Variants in LYRM4 observed in about 807,000 individuals in gnomAD.
LYRM4 encodes LYR motif containing 4, also known as LYR motif-containing protein 4.
Under a neutral mutation model 11.7 loss-of-function variants are expected in LYRM4, and 9 were observed. The ratio of observed to expected loss-of-function variants is 0.77; its 90% CI spans 0.46 to 1.34. LYRM4 has a LOEUF of 1.34. Among genes scored for constraint, LYRM4 ranks in the 40% most tolerant of loss-of-function variants. The pLI is 0.00. For synonymous variants in LYRM4, 42 were observed against 40.4 expected, an observed-to-expected ratio of 1.04 and a Z score of -0.15; for missense variants, 133 against 112.5, an observed-to-expected ratio of 1.18 and a Z score of -0.82.
chr6:5,122,866 C>T (rs926918276), intron 2 of LYRM4, among the ~76,000 whole-genome samples: 15 of 152,356 alleles, frequency 9.8e-5, no homozygotes, highest in South Asian at 6.2e-4. Context: ...CACGTTGGCA[C>T]GCACAGACCC....
chr6:5,067,265 C>T, the LYRM4 span, among the ~76,000 whole-genome samples: 1 of 152,174 alleles, frequency 6.6e-6, no homozygotes, highest in African/African-American at 2.4e-5. Context: ...TGACCTCAAA[C>T]TTAGTATGTC....
chr6:5,205,768 C>T (rs1050686514), intron 2 of LYRM4, among the ~76,000 whole-genome samples: 3 of 152,192 alleles, frequency 2.0e-5, no homozygotes, highest in Non-Finnish European at 4.4e-5. Flanking sequence ...CCACCTCACT[C>T]CTTCTCAGAA....
chr6:5,222,407 A>G (rs1164857306), intron 1 of LYRM4, among the ~76,000 whole-genome samples: 1 of 152,246 alleles, frequency 6.6e-6, no homozygotes, highest in Non-Finnish European at 1.5e-5. Flanking sequence ...CTAAATGCCT[A>G]CTATATAAGC....
chr6:5,060,361 C>G, the LYRM4 span, among the ~76,000 whole-genome samples: 3 of 152,156 alleles, frequency 2.0e-5, no homozygotes, highest in African/African-American at 4.8e-5. Flanking sequence ...GATTTTTAAG[C>G]AGGTACATTA....
At chr6:5,125,959 C>T (rs528751173) in intron 2 of LYRM4, among the ~76,000 whole-genome samples, 130 of 152,344 alleles carry the variant, frequency 8.5e-4, no homozygotes, top group Admixed American at 9.1e-4. Context: ...CCTGAGGACA[C>T]TGCCCATTGG....
At position 5,203,820 on chromosome 6, in the gene LYRM4, G is replaced by A. The variant is rs1435049065; in HGVS notation, c.207+12798C>T. 3.3e-5 allele frequency among the ~76,000 whole-genome samples: 5 copies of A among 152,160 alleles called. No individual in the cohort carries two copies. In the South Asian group the frequency reaches 1.0e-3, roughly 32 times the overall value. On this transcript the variant is annotated intron_variant, in intron 2 of 2. Transcript: ENST00000330636. ...GAGCAGAAGCACATGAAAGAAGAAC[G>A]GACAGCTGCTCCCTTTCCGCACACT...
At chr6:5,230,656 T>C (rs1763183474) in intron 1 of LYRM4, among the ~76,000 whole-genome samples, 2 of 152,224 alleles carry the variant, frequency 1.3e-5, no homozygotes, top group Non-Finnish European at 2.9e-5. Context: ...TTCCACTTTA[T>C]GGGTGAAATA....
At chr6:5,075,701 A>G in the LYRM4 span, among the ~76,000 whole-genome samples, 1 of 152,380 alleles carries the variant, frequency 6.6e-6, no homozygotes, top group Middle Eastern at 3.4e-3. Context: ...CTGTTAGAAC[A>G]ATGTTGAGTG....
intron 2 of LYRM4, among the ~76,000 whole-genome samples, chr6:5,125,926 G>A (rs993264077): frequency 6.6e-6 from 1 of 152,202 alleles, no homozygotes; most frequent in Non-Finnish European, 1.5e-5. Flanking sequence ...TCAAGACAAA[G>A]GGACACTGAC....
At chr6:5,037,670 G>A in the LYRM4 span, among the ~76,000 whole-genome samples, 2 of 48,522 alleles carry the variant, frequency 4.1e-5, 1 homozygote, top group Non-Finnish European at 1.0e-4. Context: ...CGGACGGGGC[G>A]GCCGGCCGGG....
chr6:5,061,346 G>T, the LYRM4 span, among the ~76,000 whole-genome samples: 1 of 152,040 alleles, frequency 6.6e-6, no homozygotes, highest in Non-Finnish European at 1.5e-5. Flanking sequence ...GTTCAGTTTT[G>T]GCTGAACTGC....
intron 2 of LYRM4, among the ~76,000 whole-genome samples, chr6:5,178,087 G>T (rs996825247): frequency 6.6e-6 from 1 of 152,144 alleles, no homozygotes; most frequent in African/African-American, 2.4e-5. Context: ...GACTAAAATT[G>T]TCTTTTCATC....
intron 2 of LYRM4, among the ~76,000 whole-genome samples, chr6:5,196,622 T>A (rs1761070898): frequency 6.6e-6 from 1 of 152,204 alleles, no homozygotes; most frequent in South Asian, 2.1e-4. Flanking sequence ...CACACCACTA[T>A]CAGGGGAAAC....
At chr6:5,174,574 AACTT>A (rs1361915638) in intron 2 of LYRM4, among the ~76,000 whole-genome samples, 1 of 152,128 alleles carries the variant, frequency 6.6e-6, no homozygotes, top group Non-Finnish European at 1.5e-5. Flanking sequence ...GCTATTTATA[AACTT>A]AATGGTTACT....
chr6:5,234,232 ATTAT>A (rs1437120936), intron 1 of LYRM4, among the ~76,000 whole-genome samples: 2 of 152,224 alleles, frequency 1.3e-5, no homozygotes, highest in Non-Finnish European at 2.9e-5. Context: ...TATTATTTAA[ATTAT>A]TTATTCTGTT....
the LYRM4 span, among the ~76,000 whole-genome samples, chr6:5,069,341 C>A: frequency 6.7e-6 from 1 of 150,204 alleles, no homozygotes; most frequent in African/African-American, 2.5e-5. Flanking sequence ...TGTTAAAAAA[C>A]AAGAGTAATA....
At chr6:5,239,793 G>C (rs1191145879) in intron 1 of LYRM4, among the ~76,000 whole-genome samples, 1 of 151,618 alleles carries the variant, frequency 6.6e-6, no homozygotes, top group African/African-American at 2.4e-5. Flanking sequence ...AGGCCACATT[G>C]GTCTTTTCCC....
At chr6:5,200,585 A>C (rs1158575002) in intron 2 of LYRM4, among the ~76,000 whole-genome samples, 3 of 152,260 alleles carry the variant, frequency 2.0e-5, no homozygotes, top group Non-Finnish European at 4.4e-5. Context: ...AGAGAGATCC[A>C]GAGATCAGGG....
chr6:5,156,738 C>T (rs1273958111), intron 2 of LYRM4, among the ~76,000 whole-genome samples: 1 of 152,136 alleles, frequency 6.6e-6, no homozygotes, highest in African/African-American at 2.4e-5. Flanking sequence ...GAAACAGAAA[C>T]AGAAACACCC....
Sources: gnomAD v4.1 joint callset for allele counts (sites outside exome capture counted in the v4.1 genomes callset) on GRCh38, gnomAD v4.1.1 for gene constraint, MANE v1.5 for transcripts, NCBI Gene and HGNC (gene_info 2026-07-23, HGNC 2026-07-21) for gene names.